Variants in TMEM132D observed in about 807,000 individuals in gnomAD.
TMEM132D encodes transmembrane protein 132D.
In TMEM132D, 21 loss-of-function variants were observed where a neutral mutation model predicts 62.3. The observed-to-expected ratio is 0.34, with a 90% confidence interval of 0.24 to 0.49. The LOEUF (loss-of-function observed/expected upper bound fraction) is 0.49, where lower values mean the gene tolerates loss of function less well. Among genes scored for constraint, TMEM132D ranks in the 20% least tolerant of loss-of-function variants. The probability of loss-of-function intolerance (pLI) is 0.99; values close to 1 mark genes in which losing one functional copy is unlikely to be tolerated. For synonymous variants in TMEM132D, 621 were observed against 575.6 expected (o/e 1.08, Z -1.13); for missense variants, 1,346 against 1,402.8 (o/e 0.96, Z 0.65).
At chr12:129,324,551 T>A (rs922424906) in intron 4 of TMEM132D, among the ~76,000 whole-genome samples, 12 of 144,664 alleles carry the variant, frequency 8.3e-5, no homozygotes, top group African/African-American at 1.2e-4. Context: ...AAAGTGATGG[T>A]CAGGGGCAGT....
chr12:129,491,897 G>A (rs995774456), intron 3 of TMEM132D, among the ~76,000 whole-genome samples: 3 of 151,854 alleles, frequency 2.0e-5, no homozygotes, highest in Non-Finnish European at 4.4e-5. Flanking sequence ...AACTGAGATC[G>A]TGCCACTGCA....
At chr12:129,537,926 C>A (rs1454079760) in intron 2 of TMEM132D, among the ~76,000 whole-genome samples, 1 of 60,062 alleles carries the variant, frequency 1.7e-5, no homozygotes, top group Non-Finnish European at 3.0e-5. Context: ...ACAAAATACA[C>A]TAACGTTGAA....
intron 2 of TMEM132D, among the ~76,000 whole-genome samples, chr12:129,542,657 C>T (rs562180980): frequency 5.9e-5 from 9 of 152,154 alleles, no homozygotes; most frequent in South Asian, 2.1e-4. Flanking sequence ...AATGACAACA[C>T]GCTGTACACA....
intron 1 of TMEM132D, among the ~76,000 whole-genome samples, chr12:129,796,417 C>T (rs1448476713): frequency 6.6e-6 from 1 of 152,038 alleles, no homozygotes; most frequent in African/African-American, 2.4e-5. Flanking sequence ...TAATCCTGCT[C>T]TTTTTTCTTA....
chr12:129,484,832 A>T (rs913265066), intron 3 of TMEM132D, among the ~76,000 whole-genome samples: 1 of 152,270 alleles, frequency 6.6e-6, no homozygotes, highest in African/African-American at 2.4e-5. Flanking sequence ...AAAAGATAAG[A>T]ATTCAAAACA....
chr12:129,084,360 A>G (rs2135619174), intron 6 of TMEM132D, 137 bp downstream of exon 6: 1 of 849,018 alleles, frequency 1.2e-6, no homozygotes, highest in Non-Finnish European at 1.7e-6. Flanking sequence ...GCCAACACAG[A>G]GCAAATCCAA....
intron 5 of TMEM132D, among the ~76,000 whole-genome samples, chr12:129,204,128 C>T (rs1878780830): frequency 6.6e-6 from 1 of 152,174 alleles, no homozygotes; most frequent in Non-Finnish European, 1.5e-5. Context: ...GCTAGAGTGC[C>T]TTTTTTCTTC....
chr12:129,690,231 G>T (rs1881031074), intron 2 of TMEM132D, among the ~76,000 whole-genome samples: 1 of 152,082 alleles, frequency 6.6e-6, no homozygotes, highest in Admixed American at 6.6e-5. Context: ...TACACCAAGA[G>T]AGGATAGCAA....
Position 129,703,824 on chromosome 12 carries a change from C to A in TMEM132D, c.80-3126G>T, listed in dbSNP as rs1881439944. Reference sequence around the variant, plus strand: ...AAGGATCATTTTTCCCTGAATAATACTTTTTTAAAAAATATGGGAGGAAGG... The same window carrying A: ...AAGGATCATTTTTCCCTGAATAATAATTTTTTAAAAAATATGGGAGGAAGG... On this transcript the variant is annotated intron_variant, in intron 1 of 8. Coordinates refer to ENST00000422113, the MANE Select transcript of TMEM132D (RefSeq NM_133448.3). Among the ~76,000 whole-genome samples, 3 of 150,884 alleles carry A rather than the reference C, an allele frequency of 2.0e-5. No homozygotes were observed. In the South Asian group the frequency reaches 6.3e-4, roughly 32 times the overall value.
chr12:129,576,301 A>C (rs1314258472), intron 2 of TMEM132D, among the ~76,000 whole-genome samples: 1 of 151,860 alleles, frequency 6.6e-6, no homozygotes, highest in Non-Finnish European at 1.5e-5. Context: ...ATAACGTTTT[A>C]CAATTAATAA....
intron 2 of TMEM132D, among the ~76,000 whole-genome samples, chr12:129,636,447 T>A (rs1057493170): frequency 6.6e-6 from 1 of 152,122 alleles, no homozygotes; most frequent in Non-Finnish European, 1.5e-5. Context: ...TGGTCAGTTG[T>A]CCCTGAAAAA....
intron 2 of TMEM132D, among the ~76,000 whole-genome samples, chr12:129,663,630 A>T (rs530095352): frequency 6.6e-6 from 1 of 152,352 alleles, no homozygotes; most frequent in East Asian, 1.9e-4. Flanking sequence ...AAAGCAAGGA[A>T]AAAGAGGGAA....
At chr12:129,403,399 C>G (rs1376474961) in intron 3 of TMEM132D, among the ~76,000 whole-genome samples, 2 of 151,444 alleles carry the variant, frequency 1.3e-5, no homozygotes, top group Non-Finnish European at 2.9e-5. Context: ...AAGGACTAAA[C>G]TTGCAACACA....
intron 3 of TMEM132D, among the ~76,000 whole-genome samples, chr12:129,513,848 A>ATTTTTTTT (rs563785171): frequency 1.8e-5 from 2 of 112,718 alleles, no homozygotes; most frequent in Admixed American, 9.4e-5. Context: ...TTATTTATTT[A>ATTTTTTTT]TTTTTTTGAG....
chr12:129,511,219 C>T (rs1299258169), intron 3 of TMEM132D, among the ~76,000 whole-genome samples: 1 of 152,176 alleles, frequency 6.6e-6, no homozygotes, highest in Non-Finnish European at 1.5e-5. Context: ...TAATTCCTAA[C>T]CTGCCTTCTG....
At chr12:129,251,295 G>A (rs11060218) in intron 4 of TMEM132D, among the ~76,000 whole-genome samples, 6,247 of 142,110 alleles carry the variant, frequency 0.044, 300 homozygotes, top group East Asian at 0.26. Flanking sequence ...AGAGGCAGAA[G>A]TTGCAGTGAG....
intron 3 of TMEM132D, among the ~76,000 whole-genome samples, chr12:129,471,900 C>T (rs1874102776): frequency 6.6e-6 from 1 of 152,168 alleles, no homozygotes; most frequent in Non-Finnish European, 1.5e-5. Context: ...AGAGCAAGGC[C>T]CTAACTCTCT....
Position 129,669,005 on chromosome 12 carries a change from C to G in TMEM132D, c.968+30805G>C, listed in dbSNP as rs1880440965. Among the ~76,000 whole-genome samples, 5 of 152,146 alleles carry G rather than the reference C, an allele frequency of 3.3e-5. No individual in the cohort carries two copies. In the South Asian group the frequency reaches 1.0e-3, roughly 32 times the overall value. ...GAAACCCCACATTATCTTACGTCCTCAAGAGGAGAAGAATTTGCCCAACTC... is the reference window on the plus strand; with the variant it reads ...GAAACCCCACATTATCTTACGTCCTGAAGAGGAGAAGAATTTGCCCAACTC... On this transcript the variant is annotated intron_variant, in intron 2 of 8. Transcript: ENST00000422113.
At chr12:129,631,236 T>C (rs1879338255) in intron 2 of TMEM132D, among the ~76,000 whole-genome samples, 1 of 152,200 alleles carries the variant, frequency 6.6e-6, no homozygotes, top group Non-Finnish European at 1.5e-5. Flanking sequence ...CTACTGCGTC[T>C]TTCTCTTTCA....
Sources: allele counts gnomAD v4.1 joint callset (sites outside exome capture counted in the v4.1 genomes callset), GRCh38; gene constraint gnomAD v4.1.1; transcripts MANE v1.5; gene names NCBI Gene and HGNC (gene_info 2026-07-23, HGNC 2026-07-21).